HNRNPAB: variants seen among roughly 807,000 people sequenced by gnomAD.
HNRNPAB encodes ABBP-1.
A neutral mutation model predicts 44.1 loss-of-function variants in HNRNPAB; 17 were observed. The ratio of observed to expected loss-of-function variants is 0.39; its 90% CI spans 0.26 to 0.58. The LOEUF is 0.58. Among genes scored for constraint, HNRNPAB ranks in the 20% least tolerant of loss-of-function variants. The probability of loss-of-function intolerance (pLI) is 0.63; values close to 1 mark genes in which losing one functional copy is unlikely to be tolerated. For synonymous variants in HNRNPAB, 183 were observed against 167.6 expected (o/e 1.09, Z -0.71); for missense variants, 393 against 432.7 (o/e 0.91, Z 0.81).
intron 6 of HNRNPAB, 43 bp downstream of exon 6, chr5:178,209,490 A>G: frequency 6.5e-7 from 1 of 1,536,472 alleles, no homozygotes; most frequent in South Asian, 1.1e-5. Context: ...TTCCCTGCCT[A>G]CATGGAGCCT....
At position 178,204,918 on chromosome 5, in the gene HNRNPAB, G is replaced by T. The variant is rs1265348693; in HGVS notation, c.81G>T (p.Glu27Asp). Residue 27 changes from glutamate to aspartate, a missense_variant, in exon 2 of 8, where the codon GAG becomes GAT. Glu to Asp is a conservative substitution (Grantham distance 45, BLOSUM62 2). Transcript: ENST00000358344. ...ENGHEAVPEG[E>D]SPAGAGTGAA... ...GACATGAGGCCGTCCCCGAAGGCGA[G>T]TCGCCGGCCGGGGCTGGCACGGGCG... The T allele has an allele frequency of 8.3e-7, 1 of 1,210,832 alleles. No homozygotes were observed. 75.0% of individuals were successfully genotyped at this position (1,210,832 alleles called of 1,614,324 possible).
At chr5:178,206,388 C>G (rs1384360589) in intron 3 of HNRNPAB, among the ~76,000 whole-genome samples, 1 of 152,176 alleles carries the variant, frequency 6.6e-6, no homozygotes, top group Non-Finnish European at 1.5e-5. Context: ...GAAGAGGTCA[C>G]AGCTAGTAGG....
intron 7 of HNRNPAB, 114 bp downstream of exon 7, chr5:178,210,386 C>T (rs922154375): frequency 6.4e-7 from 1 of 1,573,352 alleles, no homozygotes; most frequent in Non-Finnish European, 8.6e-7. Flanking sequence ...CTGGCTCAGC[C>T]ATGGGAGCTA....
At chr5:178,210,083 T>C in intron 6 of HNRNPAB, 49 bp from the exon 7 acceptor site, 1 of 1,603,838 alleles carries the variant, frequency 6.2e-7, no homozygotes, top group Admixed American at 1.8e-5. Flanking sequence ...TCCTAGCTCC[T>C]GCGTATGCTA....
At position 178,204,707 on chromosome 5, in the gene HNRNPAB, G is replaced by T. The variant is rs1179678271; in HGVS notation, c.-57G>T. ...TGCGGCGCCTTCCCCTGCGGGTGGG[G>T]ACGAGCGGGCCCCGCGGCGTCATCG... On this transcript the variant is annotated 5_prime_UTR_variant, in exon 1 of 8. Coordinates refer to ENST00000358344, the MANE Select transcript of HNRNPAB (RefSeq NM_031266.3). 1 of 445,728 alleles carries T rather than the reference G, an allele frequency of 2.2e-6. No individual in the cohort carries two copies. Among genetic ancestry groups the T allele is most frequent in the Non-Finnish European group, 3.5e-6 (1 of 289,782 alleles). 27.6% of individuals were successfully genotyped at this position (445,728 alleles called of 1,614,324 possible).
At position 178,204,783 on chromosome 5, in the gene HNRNPAB, C is replaced by T. The variant is rs1756977110; in HGVS notation, c.-23-32C>T. The T allele has an allele frequency of 8.7e-6, 10 of 1,143,074 alleles. No homozygotes were observed. The East Asian group carries it at 2.8e-4, about 33-fold the overall frequency. 70.8% of individuals were successfully genotyped at this position (1,143,074 alleles called of 1,614,324 possible). A position where few individuals can be genotyped will look rare whatever the true frequency, so the allele number is the denominator to read the frequency against. ...GGCGGGAGCTCTGGCGGGAGCCGCG[C>T]CGGCCTGACGCGCTGTCGCCGCTGG... On this transcript the variant is annotated intron_variant, in intron 1 of 7. Transcript: ENST00000358344.
Position 178,210,791 on chromosome 5 carries a change from G to A in HNRNPAB, c.*168G>A, listed in dbSNP as rs1358068784. 1.6e-6 allele frequency: 1 copy of A among 639,638 alleles called. No individual in the cohort carries two copies. The highest frequency in any genetic ancestry group is 2.8e-5 in the East Asian group (1 of 36,274). The allele number at this position is 639,638 out of a possible 1,614,324, so 39.6% of individuals were successfully genotyped here. A position where few individuals can be genotyped will look rare whatever the true frequency, so the allele number is the denominator to read the frequency against. ...CACTCTCCTGTTGACTATTTCCAGAGCTCTAGGTGTTTAGGCAGCGTGTGG... is the reference window on the plus strand; with the variant it reads ...CACTCTCCTGTTGACTATTTCCAGAACTCTAGGTGTTTAGGCAGCGTGTGG... On this transcript the variant is annotated 3_prime_UTR_variant, in exon 8 of 8. Transcript: ENST00000358344.
Position 178,210,750 on chromosome 5 carries a change from T to A in HNRNPAB, c.*127T>A, listed in dbSNP as rs1182414439. On this transcript the variant is annotated 3_prime_UTR_variant, in exon 8 of 8. Transcript: ENST00000358344. The stretch of plus-strand genomic sequence containing the variant: ...TGTCCCATGTGCATCTTATTTAAAA[T>A]TTCCCCCATGGAAATCACTCTCCTG... 1 of 740,110 alleles carries A rather than the reference T, an allele frequency of 1.4e-6. No homozygotes were observed. Among genetic ancestry groups the A allele is most frequent in the Non-Finnish European group, 2.4e-6 (1 of 423,732 alleles). The allele number at this position is 740,110 out of a possible 1,614,324, so 45.8% of individuals were successfully genotyped here. A position where few individuals can be genotyped will look rare whatever the true frequency, so the allele number is the denominator to read the frequency against.
At chr5:178,205,117 C>CG in intron 2 of HNRNPAB, 71 bp downstream of exon 2, 3 of 1,101,474 alleles carry the variant, frequency 2.7e-6, no homozygotes, top group Non-Finnish European at 3.4e-6. Flanking sequence ...CGCCACGCGG[C>CG]GGGGGGAGGG....
At chr5:178,205,755 C>A (rs375736094) in intron 2 of HNRNPAB, 87 bp from the exon 3 acceptor site, 1 of 1,293,994 alleles carries the variant, frequency 7.7e-7, no homozygotes, top group Non-Finnish European at 1.1e-6. Context: ...CTGTAGACTT[C>A]GTGAGAACTT....
chr5:178,207,046 T>C (rs1442008067), intron 4 of HNRNPAB, 48 bp from the exon 5 acceptor site: 2 of 1,609,516 alleles, frequency 1.2e-6, no homozygotes, highest in Non-Finnish European at 1.7e-6. Flanking sequence ...CCCTATATGC[T>C]CTGGGGTAGG....
intron 3 of HNRNPAB, 77 bp from the exon 4 acceptor site, chr5:178,206,655 T>G: frequency 1.4e-6 from 2 of 1,394,180 alleles, no homozygotes; most frequent in Non-Finnish European, 2.0e-6. Flanking sequence ...TCTGTACTGG[T>G]GTCTTTATGG....
At chr5:178,208,140 A>G (rs1334236781) in intron 5 of HNRNPAB, among the ~76,000 whole-genome samples, 1 of 152,150 alleles carries the variant, frequency 6.6e-6, no homozygotes. Flanking sequence ...GGTCAGGGAA[A>G]GGGTAGTTCA....
Position 178,206,907 on chromosome 5 carries a change from G to C in HNRNPAB, c.537+17G>C. On this transcript the variant is annotated intron_variant, in intron 4 of 7. Coordinates refer to ENST00000358344, the MANE Select transcript of HNRNPAB (RefSeq NM_031266.3). ...TTTGGGGAGGTGAGTGTGGCTCTGG[G>C]AATAGCCCATCAGCTGCCCCTAAGG... 1 of 1,613,662 alleles carries C rather than the reference G, an allele frequency of 6.2e-7. No homozygotes were observed. Among genetic ancestry groups the C allele is most frequent in the Non-Finnish European group, 8.5e-7 (1 of 1,179,700 alleles).
intron 6 of HNRNPAB, among the ~76,000 whole-genome samples, chr5:178,209,676 G>A (rs1390580555): frequency 6.6e-6 from 1 of 152,116 alleles, no homozygotes; most frequent in Non-Finnish European, 1.5e-5. Context: ...GAGCATTTGT[G>A]TTACACTCTG....
chr5:178,209,475 C>T, intron 6 of HNRNPAB, 28 bp downstream of exon 6: 2 of 1,578,344 alleles, frequency 1.3e-6, no homozygotes, highest in East Asian at 2.2e-5. Context: ...GAAGATAGGT[C>T]CTGTTTCCCT....
In HNRNPAB at chr5:178,209,440, A is replaced by C; in HGVS notation, c.780A>C (p.Gly260=). Residue 260 remains glycine, a synonymous_variant, in exon 6 of 8, where the codon GGA becomes GGC. Transcript: ENST00000358344. ...RGNRGSGGGG[G]GGGQSQSWNQ... ...ACCGAGGCAGCGGAGGTGGTGGTGG[A>C]GGTGGAGGTGAGTGGAACGTGGATG... The C allele has an allele frequency of 6.2e-7, 1 of 1,613,372 alleles. No individual in the cohort carries two copies. Among genetic ancestry groups the C allele is most frequent in the Non-Finnish European group, 8.5e-7 (1 of 1,179,408 alleles).
chr5:178,207,004 T>C lies in HNRNPAB; in HGVS notation c.538-90T>C, dbSNP rs1757093312. On this transcript the variant is annotated intron_variant, in intron 4 of 7. Transcript: ENST00000358344. ...CAGGCAGGGCTTATTTTTCACCCTCTGTCTTCAATGGGGTCTTTTCTCCTG... is the reference window on the plus strand; with the variant it reads ...CAGGCAGGGCTTATTTTTCACCCTCCGTCTTCAATGGGGTCTTTTCTCCTG... The C allele has an allele frequency of 6.3e-6, 10 of 1,586,444 alleles. No homozygotes were observed. In the Admixed American group the frequency reaches 1.7e-4, roughly 28 times the overall value.
chr5:178,205,742 T>C, intron 2 of HNRNPAB, 100 bp from the exon 3 acceptor site: 2 of 1,094,562 alleles, frequency 1.8e-6, no homozygotes, highest in South Asian at 1.5e-5. Context: ...ACTCTAAGGG[T>C]AGCTGTAGAC....
Sources: gnomAD v4.1 joint callset for allele counts (sites outside exome capture counted in the v4.1 genomes callset) on GRCh38, gnomAD v4.1.1 for gene constraint, MANE v1.5 for transcripts, NCBI Gene and HGNC (gene_info 2026-07-23, HGNC 2026-07-21) for gene names.